The following MCHR2 variants were observed in gnomAD, a reference collection of about 807,000 sequenced individuals.
The protein encoded by MCHR2 is melanin concentrating hormone receptor 2.
A neutral mutation model predicts 24.8 loss-of-function variants in MCHR2; 15 were observed. The observed-to-expected ratio is 0.60, with a 90% CI of 0.40 to 0.93. The LOEUF (loss-of-function observed/expected upper bound fraction) is 0.93, where lower values mean the gene tolerates loss of function less well. Ranked by LOEUF, MCHR2 falls within the 40% of genes least tolerant of loss-of-function variation. MCHR2 has a pLI of 0.00. For missense variants in MCHR2, 386 were observed against 408.7 expected, an observed-to-expected ratio of 0.94 and a Z score of 0.48; for synonymous variants, 151 against 147.6, an observed-to-expected ratio of 1.02 and a Z score of -0.17.
chr6:99,937,985 T>C (rs991978544), intron 4 of MCHR2, among the ~76,000 whole-genome samples: 3 of 151,984 alleles, frequency 2.0e-5, no homozygotes, highest in Admixed American at 6.6e-5. Context: ...TCCCAGTTTG[T>C]TGGCTTTTAG....
In MCHR2 at chr6:99,930,488, G is replaced by C. The variant is rs978907798; in HGVS notation, c.707+3910C>G. ...CTTTCAGGTACACCAATCAGACGTAGATTTGGTCTTTTCACATAGTCCCAT... is the reference window on the plus strand; with the variant it reads ...CTTTCAGGTACACCAATCAGACGTACATTTGGTCTTTTCACATAGTCCCAT... On this transcript the variant is annotated intron_variant, in intron 5 of 5. Transcript: ENST00000281806. Among the ~76,000 whole-genome samples the C allele has an allele frequency of 2.5e-4, 38 of 152,318 alleles. 1 individual carries two copies. Among genetic ancestry groups the C allele is most frequent in the Admixed American group, 1.8e-3 (27 of 15,306 alleles).
intron 1 of MCHR2, among the ~76,000 whole-genome samples, chr6:99,970,510 T>C (rs1775386708): frequency 6.6e-6 from 1 of 152,204 alleles, no homozygotes; most frequent in African/African-American, 2.4e-5. Flanking sequence ...ATTTTGTAGG[T>C]TGCCTGTTCA....
At chr6:99,990,059 CA>C (rs35741969) in intron 1 of MCHR2, among the ~76,000 whole-genome samples, 150,417 of 151,440 alleles carry the variant, frequency 0.99, 74,705 homozygotes, top group Non-Finnish European at 1. Flanking sequence ...CTTTAAAAAA[CA>C]AAAAAAAAAC....
At position 99,947,889 on chromosome 6, in the gene MCHR2, GA is replaced by G; in HGVS notation, c.264del (p.Ile90PhefsTer35). 6.2e-7 allele frequency: 1 copy of G among 1,613,754 alleles called. No homozygotes were observed. The highest frequency in any genetic ancestry group is 1.1e-5 in the South Asian group (1 of 91,070). ...ADLVHIVGMP[F>X]LIHQWARGGE... ...CCCCCTCGGGCCCATTGGTGAATAAGAAAAGGCATTCCAACTATGTGGACCA... is the reference window on the plus strand; with the variant it reads ...CCCCCTCGGGCCCATTGGTGAATAAGAAAGGCATTCCAACTATGTGGACCA... On this transcript the variant is annotated frameshift_variant, in exon 3 of 6. Coordinates refer to ENST00000281806, the MANE Select transcript of MCHR2 (RefSeq NM_001040179.2). LOFTEE classifies it high-confidence loss of function.
At chr6:99,978,952 C>T (rs1775613550) in intron 1 of MCHR2, among the ~76,000 whole-genome samples, 2 of 152,102 alleles carry the variant, frequency 1.3e-5, no homozygotes, top group South Asian at 4.1e-4. Flanking sequence ...ATGGCCAGTA[C>T]TAGGCAAAGG....
At chr6:99,978,428 T>TTG (rs1775599742) in intron 1 of MCHR2, among the ~76,000 whole-genome samples, 1 of 144,190 alleles carries the variant, frequency 6.9e-6, no homozygotes, top group Non-Finnish European at 1.5e-5. Context: ...CAGTTTTTTT[T>TTG]TTTTTTTTTT....
At chr6:99,942,226 A>G (rs929534156) in intron 4 of MCHR2, among the ~76,000 whole-genome samples, 1 of 152,192 alleles carries the variant, frequency 6.6e-6, no homozygotes, top group Non-Finnish European at 1.5e-5. Context: ...TCTGAAAGCT[A>G]GACATCTGAA....
chr6:99,961,293 G>C (rs747847877), intron 1 of MCHR2, among the ~76,000 whole-genome samples: 2 of 152,068 alleles, frequency 1.3e-5, no homozygotes, highest in Non-Finnish European at 2.9e-5. Context: ...GTGGAAGACA[G>C]TGTGGCGATT....
At chr6:99,926,245 T>C (rs1774355613) in intron 5 of MCHR2, among the ~76,000 whole-genome samples, 1 of 152,310 alleles carries the variant, frequency 6.6e-6, no homozygotes, top group East Asian at 1.9e-4. Context: ...TGTTGGACAT[T>C]TGGGTTGGTT....
Position 99,972,634 on chromosome 6 carries a change from G to C in MCHR2, c.-27-16460C>G, listed in dbSNP as rs1012570104. ...GAATGTGTTTGCTCTTGCTTTTCTA[G>C]TTCTTTTAATTGTGATGTTAGGGTG... is the stretch of plus-strand genomic sequence containing the variant. On this transcript the variant is annotated intron_variant, in intron 1 of 5. Transcript: ENST00000281806. Among the ~76,000 whole-genome samples the C allele has an allele frequency of 1.1e-4, 17 of 152,220 alleles. 1 individual carries two copies. In the South Asian group the frequency reaches 2.1e-3, roughly 19 times the overall value.
intron 4 of MCHR2, among the ~76,000 whole-genome samples, chr6:99,939,629 G>A (rs1306379449): frequency 6.6e-6 from 1 of 151,892 alleles, no homozygotes; most frequent in Non-Finnish European, 1.5e-5. Context: ...TACAGTATTA[G>A]AGTATTCTGG....
At chr6:99,989,769 T>A (rs536826705) in intron 1 of MCHR2, among the ~76,000 whole-genome samples, 6 of 152,300 alleles carry the variant, frequency 3.9e-5, no homozygotes, top group South Asian at 2.1e-4. Context: ...CAAACTGTAC[T>A]CACCTTCCAC....
intron 1 of MCHR2, among the ~76,000 whole-genome samples, chr6:99,978,877 A>G (rs932991760): frequency 1.3e-5 from 2 of 152,134 alleles, no homozygotes; most frequent in Non-Finnish European, 2.9e-5. Flanking sequence ...TTTTAATTAG[A>G]TGGTCCTGTT....
chr6:99,979,208 C>A (rs1377182717), intron 1 of MCHR2, among the ~76,000 whole-genome samples: 1 of 152,170 alleles, frequency 6.6e-6, no homozygotes, highest in Non-Finnish European at 1.5e-5. Context: ...GACTTGGGAA[C>A]ACAGAGGGTC....
At chr6:99,989,019 AGTC>A (rs1775818244) in intron 1 of MCHR2, among the ~76,000 whole-genome samples, 1 of 152,224 alleles carries the variant, frequency 6.6e-6, no homozygotes, top group Non-Finnish European at 1.5e-5. Flanking sequence ...GCATGTACAT[AGTC>A]ATACTTATGA....
chr6:99,931,930 C>T (rs1260650585), intron 5 of MCHR2, among the ~76,000 whole-genome samples: 14 of 152,188 alleles, frequency 9.2e-5, no homozygotes, highest in Non-Finnish European at 1.5e-4. Flanking sequence ...TCTTCTGCGT[C>T]GCTCACGCTG....
intron 1 of MCHR2, among the ~76,000 whole-genome samples, chr6:99,987,722 G>C (rs1005398902): frequency 2.6e-5 from 4 of 151,988 alleles, no homozygotes; most frequent in Admixed American, 6.6e-5. Flanking sequence ...CAAAATATAA[G>C]AAATTAAGAG....
At chr6:99,925,887 G>C (rs1461266646) in intron 5 of MCHR2, among the ~76,000 whole-genome samples, 3 of 150,992 alleles carry the variant, frequency 2.0e-5, no homozygotes, top group Admixed American at 2.0e-4. Flanking sequence ...ACAATGTGCA[G>C]GTTAGTTACA....
At chr6:99,943,215 G>A in intron 3 of MCHR2, 72 bp from the exon 4 acceptor site, 1 of 1,253,430 alleles carries the variant, frequency 8.0e-7, no homozygotes, top group Non-Finnish European at 1.1e-6. Context: ...AAAGGTTCAT[G>A]ATGAGAGTAA....
Sources: gnomAD v4.1 joint callset for allele counts (sites outside exome capture counted in the v4.1 genomes callset) on GRCh38, gnomAD v4.1.1 for gene constraint, MANE v1.5 for transcripts, NCBI Gene and HGNC (gene_info 2026-07-23, HGNC 2026-07-21) for gene names.